Variants in RGS7BP observed in about 807,000 individuals in gnomAD.
The protein encoded by RGS7BP is regulator of G protein signaling 7 binding protein.
RGS7BP carries 9 observed loss-of-function variants against 31.3 expected under a neutral mutation model. The ratio of observed to expected loss-of-function variants is 0.29; its 90% CI spans 0.17 to 0.50. The LOEUF (loss-of-function observed/expected upper bound fraction) is 0.50. Among genes scored for constraint, RGS7BP ranks in the 20% least tolerant of loss-of-function variants. The probability of loss-of-function intolerance (pLI) is 0.98; values close to 1 mark genes in which losing one functional copy is unlikely to be tolerated. For missense variants in RGS7BP, 274 were observed against 322.0 expected (o/e 0.85, Z 1.14); for synonymous variants, 115 against 120.1 (o/e 0.96, Z 0.28).
intron 3 of RGS7BP, among the ~76,000 whole-genome samples, chr5:64,593,358 G>A (rs1430464194): frequency 1.3e-5 from 2 of 152,190 alleles, no homozygotes; most frequent in African/African-American, 2.4e-5. Context: ...ATTTTACCAT[G>A]AGCAGCCATC....
At chr5:64,590,375 A>G (rs1742881161) in intron 3 of RGS7BP, among the ~76,000 whole-genome samples, 1 of 152,146 alleles carries the variant, frequency 6.6e-6, no homozygotes, top group South Asian at 2.1e-4. Context: ...AGAAGAAGAT[A>G]TGTTTGAAAT....
At chr5:64,596,858 C>T (rs527298314) in intron 4 of RGS7BP, among the ~76,000 whole-genome samples, 3 of 152,230 alleles carry the variant, frequency 2.0e-5, no homozygotes, top group East Asian at 1.9e-4. Flanking sequence ...CCTAAGAAAA[C>T]GATCCTCAAA....
At chr5:64,566,524 G>T (rs1742172437) in intron 2 of RGS7BP, among the ~76,000 whole-genome samples, 1 of 152,014 alleles carries the variant, frequency 6.6e-6, no homozygotes. Flanking sequence ...CATGTTCTGG[G>T]TGGTCCTCTG....
intron 2 of RGS7BP, among the ~76,000 whole-genome samples, chr5:64,537,412 G>C (rs970276121): frequency 2.0e-5 from 3 of 152,162 alleles, no homozygotes; most frequent in African/African-American, 4.8e-5. Context: ...AAGACTGGTA[G>C]GTCAATGTAT....
chr5:64,548,970 G>C (rs1222474704), intron 2 of RGS7BP, among the ~76,000 whole-genome samples: 1 of 151,382 alleles, frequency 6.6e-6, no homozygotes, highest in Non-Finnish European at 1.5e-5. Flanking sequence ...CAAGCTTTCA[G>C]TCACACACAT....
At chr5:64,538,646 C>T (rs112667288) in intron 2 of RGS7BP, among the ~76,000 whole-genome samples, 2,778 of 147,204 alleles carry the variant, frequency 0.019, 96 homozygotes, top group African/African-American at 0.065. Flanking sequence ...AACTTCTGCC[C>T]CCTGGGTTCA....
At position 64,527,533 on chromosome 5, in the gene RGS7BP, G is replaced by A. The variant is rs559239208; in HGVS notation, c.332+19656G>A. Among the ~76,000 whole-genome samples the A allele has an allele frequency of 5.5e-5, 8 of 146,224 alleles. No individual in the cohort carries two copies. The South Asian group carries it at 1.3e-3, about 24-fold the overall frequency. ...CAATTCCCTGACCACTCTTGGTTGCGGTTTTCATATCATTTCTAAGTTTCT... is the reference window on the plus strand; with the variant it reads ...CAATTCCCTGACCACTCTTGGTTGCAGTTTTCATATCATTTCTAAGTTTCT... On this transcript the variant is annotated intron_variant, in intron 2 of 5. Coordinates refer to ENST00000334025, the MANE Select transcript of RGS7BP (RefSeq NM_001029875.3).
intron 5 of RGS7BP, 63 bp from the exon 6 acceptor site, chr5:64,609,098 C>A: frequency 1.9e-6 from 2 of 1,043,106 alleles, no homozygotes; most frequent in Non-Finnish European, 3.0e-6. Context: ...TTTAAAGCCA[C>A]TTCCTAAAAA....
rs182395748 is a variant in RGS7BP at position 64,533,750 on chromosome 5, C to G, written c.332+25873C>G. Among the ~76,000 whole-genome samples the G allele has an allele frequency of 1.2e-4, 18 of 152,342 alleles. 1 individual carries two copies. The highest frequency in any genetic ancestry group is 1.1e-3 in the Admixed American group (17 of 15,310). Reference sequence around the variant, plus strand: ...ATTTTGATACAGTGAAGTAAAACTCCGTTAGAAGTTTAAACGTTATGCCAA... The same window carrying G: ...ATTTTGATACAGTGAAGTAAAACTCGGTTAGAAGTTTAAACGTTATGCCAA... On this transcript the variant is annotated intron_variant, in intron 2 of 5. Coordinates refer to ENST00000334025, the MANE Select transcript of RGS7BP (RefSeq NM_001029875.3).
chr5:64,538,517 CCTTTT>C (rs1171296907), intron 2 of RGS7BP, among the ~76,000 whole-genome samples: 18 of 88,306 alleles, frequency 2.0e-4, no homozygotes, highest in Non-Finnish European at 2.8e-4. Context: ...TTTTTTTTTT[CCTTTT>C]CTTTTCTTTT....
chr5:64,521,455 C>A (rs1386656307), intron 2 of RGS7BP, among the ~76,000 whole-genome samples: 1 of 152,104 alleles, frequency 6.6e-6, no homozygotes, highest in Non-Finnish European at 1.5e-5. Context: ...CGGGGTTTCA[C>A]CATGTTGGCC....
intron 2 of RGS7BP, among the ~76,000 whole-genome samples, chr5:64,566,647 A>C (rs1012468940): frequency 2.6e-5 from 4 of 152,030 alleles, no homozygotes; most frequent in African/African-American, 9.7e-5. Flanking sequence ...GCAAAAGGTC[A>C]GTTTGAGGAC....
intron 2 of RGS7BP, among the ~76,000 whole-genome samples, chr5:64,528,662 T>C (rs1749291777): frequency 6.6e-6 from 1 of 151,680 alleles, no homozygotes; most frequent in Admixed American, 6.6e-5. Flanking sequence ...AATACAAAAA[T>C]TAGCTGGGTG....
intron 2 of RGS7BP, among the ~76,000 whole-genome samples, chr5:64,523,883 C>G (rs571748217): frequency 6.6e-6 from 1 of 152,282 alleles, no homozygotes; most frequent in East Asian, 1.9e-4. Flanking sequence ...TATCATATGG[C>G]TCACATATTA....
At chr5:64,523,211 G>A (rs564416121) in intron 2 of RGS7BP, among the ~76,000 whole-genome samples, 3 of 152,178 alleles carry the variant, frequency 2.0e-5, no homozygotes, top group African/African-American at 7.2e-5. Flanking sequence ...AAGCAAAAAA[G>A]TAAAGTGGAC....
chr5:64,591,356 A>C (rs56718664), intron 3 of RGS7BP, among the ~76,000 whole-genome samples: 4,557 of 152,214 alleles, frequency 0.03, 232 homozygotes, highest in African/African-American at 0.1. Flanking sequence ...AAAGTAAAAA[A>C]CAAAAAAAGA....
At chr5:64,559,372 G>A (rs539730438) in intron 2 of RGS7BP, among the ~76,000 whole-genome samples, 51 of 152,236 alleles carry the variant, frequency 3.4e-4, no homozygotes, top group African/African-American at 1.2e-3. Flanking sequence ...TACTCTTTTG[G>A]TTTGTGGAAT....
chr5:64,552,047 AT>A (rs1741807077), intron 2 of RGS7BP, among the ~76,000 whole-genome samples: 1 of 152,178 alleles, frequency 6.6e-6, no homozygotes, highest in Non-Finnish European at 1.5e-5. Context: ...CTTTATCAAA[AT>A]TTTTGAAAAA....
chr5:64,540,015 T>C (rs2111807432), intron 2 of RGS7BP, among the ~76,000 whole-genome samples: 1 of 152,286 alleles, frequency 6.6e-6, no homozygotes, highest in East Asian at 1.9e-4. Context: ...TTAATGAAGA[T>C]TCTTTTTGAT....
Sources: allele counts gnomAD v4.1 joint callset (sites outside exome capture counted in the v4.1 genomes callset), GRCh38; gene constraint gnomAD v4.1.1; transcripts MANE v1.5; gene names NCBI Gene and HGNC (gene_info 2026-07-23, HGNC 2026-07-21).